UBE2D2: variants seen among roughly 807,000 people sequenced by gnomAD.
The protein encoded by UBE2D2 is ubiquitin conjugating enzyme E2 D2, also known as ubiquitin-conjugating enzyme E2 D2.
A neutral mutation model predicts 24.2 loss-of-function variants in UBE2D2; 2 were observed. That is an observed-to-expected ratio of 0.08 (90% confidence interval 0.03 to 0.26). The LOEUF (loss-of-function observed/expected upper bound fraction) is 0.26, where lower values mean the gene tolerates loss of function less well. Among genes scored for constraint, UBE2D2 ranks in the 10% least tolerant of loss-of-function variants. The pLI is 1.00. For synonymous variants in UBE2D2, 58 were observed against 56.5 expected (o/e 1.03, Z -0.12); for missense variants, 44 against 177.6 (o/e 0.25, Z 4.28).
intron 5 of UBE2D2, among the ~76,000 whole-genome samples, chr5:139,617,841 A>G (rs909425634): frequency 6.6e-6 from 1 of 152,180 alleles, no homozygotes. Flanking sequence ...AGAAGCAAAA[A>G]CAGACAGTTA....
At chr5:139,569,042 T>A (rs1753300273) in intron 1 of UBE2D2, among the ~76,000 whole-genome samples, 1 of 152,158 alleles carries the variant, frequency 6.6e-6, no homozygotes, top group African/African-American at 2.4e-5. Context: ...TAAGGACTGA[T>A]TGAATTCCTA....
chr5:139,552,211 G>A (rs1752928735), intron 1 of UBE2D2, among the ~76,000 whole-genome samples: 1 of 148,932 alleles, frequency 6.7e-6, no homozygotes, highest in East Asian at 2.0e-4. Context: ...TGCCCAGACT[G>A]GAGTATAGTG....
chr5:139,607,572 G>A (rs565735778), intron 2 of UBE2D2, among the ~76,000 whole-genome samples: 7 of 152,102 alleles, frequency 4.6e-5, no homozygotes, highest in Non-Finnish European at 7.3e-5. Flanking sequence ...ATGTGAATAG[G>A]TTTTTATTCA....
intron 1 of UBE2D2, among the ~76,000 whole-genome samples, chr5:139,566,395 CATGCACAGTG>C (rs1471700716): frequency 6.7e-6 from 1 of 149,408 alleles, no homozygotes; most frequent in Non-Finnish European, 1.5e-5. Context: ...CACAGTGGGT[CATGCACAGTG>C]GGTCACGCCT....
chr5:139,581,326 G>A (rs2126665606), intron 1 of UBE2D2, among the ~76,000 whole-genome samples: 1 of 152,102 alleles, frequency 6.6e-6, no homozygotes, highest in East Asian at 1.9e-4. Context: ...GTGAGCGCCT[G>A]TAATCCCAGC....
intron 5 of UBE2D2, 28 bp from the exon 6 acceptor site, chr5:139,623,340 C>T: frequency 6.5e-7 from 1 of 1,533,912 alleles, no homozygotes. Context: ...TGATCCTCTG[C>T]TAATTTATAT....
chr5:139,604,560 A>G (rs532849718), intron 2 of UBE2D2, among the ~76,000 whole-genome samples: 2 of 152,338 alleles, frequency 1.3e-5, no homozygotes, highest in South Asian at 4.1e-4. Flanking sequence ...GCTCAACATC[A>G]TTTGTCATTA....
chr5:139,549,045 T>G (rs979417682), intron 1 of UBE2D2, among the ~76,000 whole-genome samples: 1 of 152,060 alleles, frequency 6.6e-6, no homozygotes, highest in Non-Finnish European at 1.5e-5. Context: ...AGACGGGGTT[T>G]TGCCATGTTG....
intron 1 of UBE2D2, among the ~76,000 whole-genome samples, chr5:139,564,319 A>C (rs1325809844): frequency 6.7e-6 from 1 of 149,354 alleles, no homozygotes; most frequent in Non-Finnish European, 1.5e-5. Flanking sequence ...ACACCTGTCT[A>C]ATTTTTGTGT....
intron 1 of UBE2D2, among the ~76,000 whole-genome samples, chr5:139,552,927 C>G (rs1448808770): frequency 1.3e-5 from 2 of 152,132 alleles, no homozygotes. Flanking sequence ...GGTGATCCAC[C>G]TGCCTTGGCC....
intron 1 of UBE2D2, among the ~76,000 whole-genome samples, chr5:139,543,463 G>A (rs1290135489): frequency 1.3e-5 from 2 of 152,204 alleles, no homozygotes; most frequent in Non-Finnish European, 1.5e-5. Context: ...CGTAGATCCT[G>A]GATTGCACGT....
At chr5:139,570,451 C>G (rs1753328248) in intron 1 of UBE2D2, among the ~76,000 whole-genome samples, 1 of 152,114 alleles carries the variant, frequency 6.6e-6, no homozygotes, top group South Asian at 2.1e-4. Flanking sequence ...AGAGATTCTC[C>G]TGCCTCAGCC....
chr5:139,536,160 C>T (rs1243526257), intron 1 of UBE2D2, among the ~76,000 whole-genome samples: 2 of 152,064 alleles, frequency 1.3e-5, no homozygotes, highest in Non-Finnish European at 2.9e-5. Context: ...AGTGCAATGG[C>T]GTGATCTCAG....
intron 1 of UBE2D2, among the ~76,000 whole-genome samples, chr5:139,550,537 G>A (rs1752898157): frequency 6.6e-6 from 1 of 152,090 alleles, no homozygotes; most frequent in Non-Finnish European, 1.5e-5. Flanking sequence ...CGCTAGTAGT[G>A]GCAACTGGCT....
chr5:139,627,115 G>T lies in UBE2D2; in HGVS notation c.*314G>T. On this transcript the variant is annotated 3_prime_UTR_variant, in exon 7 of 7. Transcript: ENST00000398733. ...AATTTGGATAACAGCAAGGTGTGAGGGGGGTGGTGGGTATGGTGTGTGCTT... is the reference window on the plus strand; with the variant it reads ...AATTTGGATAACAGCAAGGTGTGAGTGGGGTGGTGGGTATGGTGTGTGCTT... The T allele has an allele frequency of 3.5e-6, 1 of 286,420 alleles. No individual in the cohort carries two copies. Among genetic ancestry groups the T allele is most frequent in the South Asian group, 4.3e-5 (1 of 23,370 alleles). 17.7% of individuals were successfully genotyped at this position (286,420 alleles called of 1,614,324 possible). A position where few individuals can be genotyped will look rare whatever the true frequency, so the allele number is the denominator to read the frequency against.
intron 1 of UBE2D2, among the ~76,000 whole-genome samples, chr5:139,553,220 G>C (rs979578802): frequency 2.6e-5 from 4 of 152,148 alleles, no homozygotes; most frequent in African/African-American, 7.2e-5. Flanking sequence ...ACCAGAAAAA[G>C]GGATCATACT....
intron 1 of UBE2D2, among the ~76,000 whole-genome samples, chr5:139,546,581 C>A (rs562857077): frequency 6.6e-6 from 1 of 152,058 alleles, no homozygotes; most frequent in Non-Finnish European, 1.5e-5. Flanking sequence ...TTCCCAGGTT[C>A]ATGTGATTAT....
chr5:139,529,133 A>G (rs1218686845), intron 1 of UBE2D2, among the ~76,000 whole-genome samples: 1 of 152,206 alleles, frequency 6.6e-6, no homozygotes, highest in Non-Finnish European at 1.5e-5. Context: ...ATTATTTTAT[A>G]GTTATTATGA....
intron 6 of UBE2D2, among the ~76,000 whole-genome samples, chr5:139,625,055 C>T (rs563088547): frequency 1.3e-5 from 2 of 149,484 alleles, no homozygotes; most frequent in East Asian, 4.0e-4. Flanking sequence ...CACCCTCTAA[C>T]CCCCCACTTT....
Sources: gnomAD v4.1 joint callset for allele counts (sites outside exome capture counted in the v4.1 genomes callset) on GRCh38, gnomAD v4.1.1 for gene constraint, MANE v1.5 for transcripts, NCBI Gene and HGNC (gene_info 2026-07-23, HGNC 2026-07-21) for gene names.